The following HPSE2 variants were observed in gnomAD, a reference collection of about 807,000 sequenced individuals.
The protein encoded by HPSE2 is inactive heparanase-2.
HPSE2 carries 38 observed loss-of-function variants against 60.5 expected under a neutral mutation model. That is an observed-to-expected ratio of 0.63 (90% CI 0.48 to 0.82). The LOEUF is 0.82. Among genes scored for constraint, HPSE2 ranks in the 40% least tolerant of loss-of-function variants. HPSE2 has a pLI of 0.00. For synonymous variants in HPSE2, 295 were observed against 293.2 expected, an observed-to-expected ratio of 1.01 and a Z score of -0.06; for missense variants, 713 against 740.4, an observed-to-expected ratio of 0.96 and a Z score of 0.43.
rs1046709863 is a variant in HPSE2, at chr10:99,202,482, G to A, written c.448+29866C>T. 9.8e-4 allele frequency among the ~76,000 whole-genome samples: 149 copies of A among 152,236 alleles called. 1 individual carries two copies. The highest frequency in any genetic ancestry group is 1.2e-3 in the Non-Finnish European group (84 of 68,020). On this transcript the variant is annotated intron_variant, in intron 2 of 11. Transcript: ENST00000370552. ...CATTAGCACTAATTCCCAAATCCTA[G>A]TTGTAAAGCTGGGACAAGTTATTTA...
chr10:98,835,388 A>C (rs911304821), intron 3 of HPSE2, among the ~76,000 whole-genome samples: 1 of 152,220 alleles, frequency 6.6e-6, no homozygotes, highest in Non-Finnish European at 1.5e-5. Flanking sequence ...AAAATGAACA[A>C]GACAAAACTA....
At chr10:98,519,754 G>C (rs1439109339) in intron 9 of HPSE2, among the ~76,000 whole-genome samples, 4 of 152,202 alleles carry the variant, frequency 2.6e-5, no homozygotes, top group Non-Finnish European at 5.9e-5. Context: ...GGGTCAACCA[G>C]CCACAGAGAC....
chr10:98,465,867 T>C (rs1319231017), intron 11 of HPSE2, among the ~76,000 whole-genome samples: 1 of 152,202 alleles, frequency 6.6e-6, no homozygotes, highest in African/African-American at 2.4e-5. Flanking sequence ...CAACTGCATT[T>C]TATCACCATC....
chr10:99,054,712 T>G (rs1958069950), intron 3 of HPSE2, among the ~76,000 whole-genome samples: 1 of 152,098 alleles, frequency 6.6e-6, no homozygotes, highest in African/African-American at 2.4e-5. Context: ...TTGTTTTTTG[T>G]TTGTTTGTTC....
At chr10:99,236,265 A>C (rs1589856267), upstream of HPSE2, among the ~76,000 whole-genome samples, 2 of 151,612 alleles carry the variant, frequency 1.3e-5, no homozygotes, top group South Asian at 2.1e-4. Flanking sequence ...AGGAATCCAA[A>C]CCATGCCGTT....
chr10:99,181,615 C>CAA, intron 2 of HPSE2, among the ~76,000 whole-genome samples: 1 of 152,212 alleles, frequency 6.6e-6, no homozygotes, highest in South Asian at 2.1e-4. Context: ...TCATTCTCAG[C>CAA]AAACACACAC....
chr10:99,232,659 G>T (rs866354198), intron 1 of HPSE2, among the ~76,000 whole-genome samples, 154 bp from the exon 2 acceptor site: 16 of 152,344 alleles, frequency 1.1e-4, no homozygotes, highest in African/African-American at 2.6e-4. Flanking sequence ...GCTGGCCCTT[G>T]GCCGCTGCCC....
At chr10:99,038,364 C>T (rs192036947) in intron 3 of HPSE2, among the ~76,000 whole-genome samples, 12 of 152,224 alleles carry the variant, frequency 7.9e-5, no homozygotes, top group South Asian at 4.1e-4. Context: ...ACAACCATAA[C>T]GACTTGGATG....
chr10:99,254,297 G>C, the HPSE2 span, among the ~76,000 whole-genome samples: 8 of 152,278 alleles, frequency 5.3e-5, no homozygotes, highest in East Asian at 1.5e-3. Flanking sequence ...CACAGGAACA[G>C]ATAACCAAAT....
rs552573423 is a variant in HPSE2 at position 98,682,363 on chromosome 10, C to T, written c.1004+11537G>A. ...CTGCAGAACTGTTAGCCAATTAAAC[C>T]TCTTTTCTTTATAAGTTACTCTGTC... On this transcript the variant is annotated intron_variant, in intron 6 of 11. Coordinates refer to ENST00000370552, the MANE Select transcript of HPSE2 (RefSeq NM_021828.5). Among the ~76,000 whole-genome samples the T allele has an allele frequency of 1.1e-4, 17 of 152,274 alleles. 1 individual carries two copies. In the East Asian group the frequency reaches 3.3e-3, roughly 29 times the overall value.
intron 6 of HPSE2, among the ~76,000 whole-genome samples, chr10:98,678,223 G>C (rs555653992): frequency 1.2e-3 from 33 of 26,834 alleles, no homozygotes; most frequent in African/African-American, 1.5e-3. Flanking sequence ...ATTTTCTAAA[G>C]GCCAATTCCC....
At chr10:98,993,738 T>C (rs1956580048) in intron 3 of HPSE2, among the ~76,000 whole-genome samples, 1 of 152,176 alleles carries the variant, frequency 6.6e-6, no homozygotes, top group Admixed American at 6.6e-5. Context: ...CCTTTCAGCT[T>C]CATGCATCAC....
chr10:99,241,550 A>T, the HPSE2 span, among the ~76,000 whole-genome samples: 1 of 152,208 alleles, frequency 6.6e-6, no homozygotes, highest in Non-Finnish European at 1.5e-5. Flanking sequence ...CGAGCCCAGG[A>T]GTTTGAGACC....
At chr10:99,185,400 A>G (rs1847965865) in intron 2 of HPSE2, among the ~76,000 whole-genome samples, 1 of 152,196 alleles carries the variant, frequency 6.6e-6, no homozygotes, top group African/African-American at 2.4e-5. Flanking sequence ...ACAATACCAT[A>G]ATCATCATAA....
intron 3 of HPSE2, among the ~76,000 whole-genome samples, chr10:98,885,620 C>T (rs868174816): frequency 1.1e-4 from 17 of 152,208 alleles, no homozygotes; most frequent in African/African-American, 4.1e-4. Flanking sequence ...ACAAGGCCCT[C>T]CACTAGTACA....
At chr10:99,060,959 G>A (rs1359324529) in intron 3 of HPSE2, among the ~76,000 whole-genome samples, 2 of 152,008 alleles carry the variant, frequency 1.3e-5, no homozygotes, top group Admixed American at 1.3e-4. Flanking sequence ...GGCAGTTGTT[G>A]GGGGTAAGAG....
chr10:98,467,187 T>G (rs546738789), intron 11 of HPSE2, among the ~76,000 whole-genome samples: 1 of 152,244 alleles, frequency 6.6e-6, no homozygotes, highest in Non-Finnish European at 1.5e-5. Context: ...GGATCTCAGC[T>G]CCTGTCACAC....
At chr10:99,045,592 T>C (rs976472667) in intron 3 of HPSE2, among the ~76,000 whole-genome samples, 15 of 152,004 alleles carry the variant, frequency 9.9e-5, no homozygotes, top group Admixed American at 4.6e-4. Context: ...TATGGCTAGC[T>C]AGATTAGCAA....
intron 2 of HPSE2, among the ~76,000 whole-genome samples, chr10:99,197,367 A>G (rs1848436744): frequency 6.6e-6 from 1 of 152,200 alleles, no homozygotes; most frequent in South Asian, 2.1e-4. Context: ...ACAAGAGTGT[A>G]TGTGGATTGT....
Sources: allele counts gnomAD v4.1 joint callset (sites outside exome capture counted in the v4.1 genomes callset), GRCh38; gene constraint gnomAD v4.1.1; transcripts MANE v1.5; gene names NCBI Gene and HGNC (gene_info 2026-07-23, HGNC 2026-07-21).